Variants in KIF1B observed in about 807,000 individuals in gnomAD.
The protein encoded by KIF1B is kinesin-like protein KIF1B.
In KIF1B, 76 loss-of-function variants were observed where a neutral mutation model predicts 241.9. That is an observed-to-expected ratio of 0.31 (90% CI 0.26 to 0.38). KIF1B has a LOEUF of 0.38. Ranked by LOEUF, KIF1B falls within the 10% of genes least tolerant of loss-of-function variation. The probability of loss-of-function intolerance (pLI) is 1.00; values close to 1 mark genes in which losing one functional copy is unlikely to be tolerated. For missense variants in KIF1B, 1,622 were observed against 2,271.4 expected (o/e 0.71, Z 5.81); for synonymous variants, 750 against 796.7 (o/e 0.94, Z 0.99).
At chr1:10,247,281 T>C (rs1023340635) in intron 2 of KIF1B, among the ~76,000 whole-genome samples, 2 of 152,260 alleles carry the variant, frequency 1.3e-5, no homozygotes, top group South Asian at 2.1e-4. Context: ...CACCTGGCTA[T>C]ACTGCTGGTC....
chr1:10,370,309 C>A (rs1188731918), intron 44 of KIF1B, among the ~76,000 whole-genome samples: 2 of 152,008 alleles, frequency 1.3e-5, no homozygotes, highest in South Asian at 2.1e-4. Context: ...CATCTGTAAT[C>A]CTGCCAGCTT....
chr1:10,285,404 A>G (rs17397129), intron 15 of KIF1B, among the ~76,000 whole-genome samples: 16,369 of 152,228 alleles, frequency 0.11, 1,047 homozygotes, highest in South Asian at 0.18. Context: ...TTCAAGATTC[A>G]GGTAACCCAG....
intron 34 of KIF1B, chr1:10,345,009 A>C (rs1557727347): frequency 6.6e-6 from 1 of 152,346 alleles, no homozygotes; most frequent in Non-Finnish European, 1.5e-5. Context: ...CCTGGGCAAC[A>C]TGGCGAAACC....
In KIF1B at chr1:10,371,207, CCCT is replaced by C; in HGVS notation, c.4897_4899del (p.Ser1633del). ...CAGTTTCAGCAGTGCCACCCTCACT[CCCT>C]CCTCCACCTGTCCCTCTCTGGTAGA... On this transcript the variant is annotated inframe_deletion, in exon 45 of 49. Transcript: ENST00000676179. The C allele has an allele frequency of 1.9e-6, 3 of 1,614,092 alleles. No individual in the cohort carries two copies. Among genetic ancestry groups the C allele is most frequent in the Non-Finnish European group, 2.5e-6 (3 of 1,179,948 alleles).
chr1:10,301,840 A>G (rs1405472336), intron 22 of KIF1B, among the ~76,000 whole-genome samples: 2 of 152,218 alleles, frequency 1.3e-5, no homozygotes, highest in African/African-American at 4.8e-5. Context: ...CATGTTATCA[A>G]GATTTGCTTG....
intron 35 of KIF1B, among the ~76,000 whole-genome samples, chr1:10,346,481 C>T (rs1270578699): frequency 6.6e-6 from 1 of 152,116 alleles, no homozygotes; most frequent in Non-Finnish European, 1.5e-5. Flanking sequence ...TCTCCTGCCT[C>T]AGCCTCCTGT....
At chr1:10,257,359 A>G (rs1382487540) in intron 3 of KIF1B, among the ~76,000 whole-genome samples, 3 of 151,132 alleles carry the variant, frequency 2.0e-5, no homozygotes, top group African/African-American at 7.3e-5. Flanking sequence ...CTGTAATCCC[A>G]GCTACTTGGG....
chr1:10,303,196 A>G lies in KIF1B; in HGVS notation c.2115+5950A>G, dbSNP rs1165255861. 1 of 1,613,828 alleles carries G rather than the reference A, an allele frequency of 6.2e-7. No individual in the cohort carries two copies. The highest frequency in any genetic ancestry group is 2.2e-5 in the East Asian group (1 of 44,894). The stretch of plus-strand genomic sequence containing the variant: ...TTCTGATAGCGGGGACGATTCTGAC[A>G]AGAGGTCGTGTGAAGAGAGCTGGAA... On this transcript the variant is annotated intron_variant, in intron 22 of 48. Transcript: ENST00000676179. This position sits in a 1 kb window ranked among gnomAD's most constrained non-coding sequence, Gnocchi z 5.2.
chr1:10,295,887 A>ATGG (rs1650239602), intron 19 of KIF1B, 121 bp downstream of exon 19: 2 of 883,426 alleles, frequency 2.3e-6, no homozygotes, highest in Non-Finnish European at 3.6e-6. Context: ...ATTCTGAAAA[A>ATGG]TGGAGAGACC....
intron 22 of KIF1B, among the ~76,000 whole-genome samples, chr1:10,316,085 G>A (rs1651292325): frequency 6.8e-6 from 1 of 146,984 alleles, no homozygotes; most frequent in South Asian, 2.1e-4. Context: ...AGCTATGAAG[G>A]GGCCAGGCAC....
chr1:10,241,320 T>C (rs1301640532), intron 2 of KIF1B, among the ~76,000 whole-genome samples: 1 of 152,036 alleles, frequency 6.6e-6, no homozygotes, highest in Non-Finnish European at 1.5e-5. Context: ...CCCAGGCTGG[T>C]CTTGAACTCC....
chr1:10,337,688 A>C lies in KIF1B; in HGVS notation c.3422+155A>C, dbSNP rs1185720587. On this transcript the variant is annotated intron_variant, in intron 31 of 48. Transcript: ENST00000676179. The surrounding 1 kb of genome is among the most constrained non-coding windows in gnomAD (Gnocchi z 4.0). ...AAAATACTTTCATCACTCCTATGGG[A>C]GTGAGAACCAGAAACCTGTCCTGGA... Among the ~76,000 whole-genome samples, 2 of 152,142 alleles carry C rather than the reference A, an allele frequency of 1.3e-5. No homozygotes were observed. Among genetic ancestry groups the C allele is most frequent in the Non-Finnish European group, 2.9e-5 (2 of 68,020 alleles).
chr1:10,340,959 T>G (rs556786847), intron 32 of KIF1B, among the ~76,000 whole-genome samples: 2 of 152,288 alleles, frequency 1.3e-5, no homozygotes, highest in African/African-American at 4.8e-5. Flanking sequence ...AAAGGAGAAC[T>G]TCAAAGATGG....
intron 1 of KIF1B, among the ~76,000 whole-genome samples, chr1:10,228,959 T>C (rs1407090431): frequency 6.6e-6 from 1 of 152,194 alleles, no homozygotes; most frequent in Non-Finnish European, 1.5e-5. Flanking sequence ...ATAGGGAAGA[T>C]TGGCAGAGAT....
chr1:10,253,601 C>T (rs1489835145), intron 2 of KIF1B, among the ~76,000 whole-genome samples: 4 of 152,190 alleles, frequency 2.6e-5, no homozygotes, highest in Non-Finnish European at 5.9e-5. Context: ...TGTGGTTGTA[C>T]CACTGTACTC....
At chr1:10,265,912 G>A (rs568435957) in intron 5 of KIF1B, among the ~76,000 whole-genome samples, 1 of 152,030 alleles carries the variant, frequency 6.6e-6, no homozygotes, top group Non-Finnish European at 1.5e-5. Context: ...GAAAGAAAAA[G>A]GCAATAGAAA....
At chr1:10,343,370 T>C (rs1265237049) in intron 34 of KIF1B, 83 bp downstream of exon 34, 1 of 1,315,838 alleles carries the variant, frequency 7.6e-7, no homozygotes, top group Non-Finnish European at 1.1e-6. Flanking sequence ...ATAGAAGTCA[T>C]GTTTGAATTC....
At chr1:10,328,186 G>A (rs1226958437) in intron 27 of KIF1B, among the ~76,000 whole-genome samples, 1 of 152,086 alleles carries the variant, frequency 6.6e-6, no homozygotes, top group African/African-American at 2.4e-5. Flanking sequence ...AAGACCCCAA[G>A]TCTACCAAAA....
rs1164592715 is a variant in KIF1B, at chr1:10,379,562, C to T, written c.*2975C>T. The T allele has an allele frequency of 1.7e-4, 40 of 231,276 alleles. No individual in the cohort carries two copies. In the Admixed American group the frequency reaches 2.2e-3, roughly 13 times the overall value. The allele number at this position is 231,276 out of a possible 1,614,324, so 14.3% of individuals were successfully genotyped here. On this transcript the variant is annotated 3_prime_UTR_variant, in exon 49 of 49. Coordinates refer to ENST00000676179, the MANE Select transcript of KIF1B (RefSeq NM_001365951.3). ...GAGGCTCTAGTTGTTGCTGTTGTGG[C>T]GGGAAAGTTAAGAAACATAGCCCTT...
Sources: gnomAD v4.1 joint callset for allele counts (sites outside exome capture counted in the v4.1 genomes callset) on GRCh38, gnomAD v4.1.1 for gene constraint, Gnocchi (gnomAD v3.1) non-coding constraint, MANE v1.5 for transcripts, NCBI Gene and HGNC (gene_info 2026-07-23, HGNC 2026-07-21) for gene names.